Variants in UTRN observed in about 807,000 individuals in gnomAD.
UTRN encodes dystrophin-related protein 1.
Under a neutral mutation model 463.9 loss-of-function variants are expected in UTRN, and 283 were observed. The observed-to-expected ratio is 0.61, with a 90% CI of 0.55 to 0.67. UTRN has a LOEUF of 0.67. Ranked by LOEUF, UTRN falls within the 30% of genes least tolerant of loss-of-function variation. UTRN has a pLI of 0.00. For missense variants in UTRN, 3,922 were observed against 4,084.3 expected (o/e 0.96, Z 1.08); for synonymous variants, 1,442 against 1,431.5 (o/e 1.01, Z -0.17).
At position 144,482,346 on chromosome 6, in the gene UTRN, A is replaced by G; in HGVS notation, c.3645A>G (p.Gln1215=). The G allele has an allele frequency of 1.2e-6, 2 of 1,601,742 alleles. No homozygotes were observed. Among genetic ancestry groups the G allele is most frequent in the Non-Finnish European group, 1.7e-6 (2 of 1,176,946 alleles). ...TGAATGTTGTGCTGGAGAATTACCAACTTCTTTGTAATAGAATTCGAGGAA... is the reference window on the plus strand; with the variant it reads ...TGAATGTTGTGCTGGAGAATTACCAGCTTCTTTGTAATAGAATTCGAGGAA... ...SELNVVLENY[Q]LLCNRIRGKC... is the part of the protein sequence containing the mutation. The change falls in exon 27 of 75, where the codon CAA becomes CAG. Residue 1215 remains glutamine (Q), a synonymous_variant. Transcript: ENST00000367545.
At chr6:144,846,751 AC>A (rs1782048565) in intron 73 of UTRN, 53 bp from the exon 74 acceptor site, 1 of 1,613,432 alleles carries the variant, frequency 6.2e-7, no homozygotes, top group African/African-American at 1.3e-5. Flanking sequence ...GAGAGTTGGA[AC>A]CAACAAAGTA....
At chr6:144,713,793 G>C (rs1295680819) in intron 53 of UTRN, among the ~76,000 whole-genome samples, 2 of 142,654 alleles carry the variant, frequency 1.4e-5, no homozygotes, top group Non-Finnish European at 3.1e-5. Flanking sequence ...AGCGGCACAT[G>C]CCTGTAATCC....
intron 37 of UTRN, among the ~76,000 whole-genome samples, chr6:144,515,471 A>G (rs544964190): frequency 1.9e-4 from 29 of 151,754 alleles, no homozygotes; most frequent in African/African-American, 7.0e-4. Flanking sequence ...CACACACCAC[A>G]GAACTTGTTT....
intron 62 of UTRN, among the ~76,000 whole-genome samples, chr6:144,793,297 T>C (rs1020077517): frequency 6.6e-6 from 1 of 151,842 alleles, no homozygotes; most frequent in East Asian, 1.9e-4. Flanking sequence ...TTTTTTTGAG[T>C]TGGGGTCTTG....
At chr6:144,312,094 CTCCTCGTGTTGTAAAAAGTAAGTG>C (rs1320049399) in intron 2 of UTRN, 1 of 152,166 alleles carries the variant, frequency 6.6e-6, no homozygotes, top group Non-Finnish European at 1.5e-5. Context: ...TAGCATCAAC[CTCCTCGTGTTGTAAAAAGTAAGTG>C]AATTAACATA....
chr6:144,642,133 G>A (rs981319139), intron 51 of UTRN, among the ~76,000 whole-genome samples: 1 of 152,144 alleles, frequency 6.6e-6, no homozygotes, highest in Non-Finnish European at 1.5e-5. Context: ...CTGCAAAAGC[G>A]TGGTCTGAAC....
rs377184318 is a variant in UTRN, at chr6:144,474,777, A to C, written c.3336+18A>C. 1 of 1,609,750 alleles carries C rather than the reference A, an allele frequency of 6.2e-7. No individual in the cohort carries two copies. The highest frequency in any genetic ancestry group is 8.5e-7 in the Non-Finnish European group (1 of 1,178,402). On this transcript the variant is annotated intron_variant, in intron 25 of 74. Transcript: ENST00000367545. ...GCAAGGAGGTGAGTTTTTCAACTTT[A>C]CTACCTACGGTTTTCAGGAGATGTA...
chr6:144,305,814 G>A (rs1805682724), intron 2 of UTRN, among the ~76,000 whole-genome samples: 1 of 152,232 alleles, frequency 6.6e-6, no homozygotes, highest in Admixed American at 6.5e-5. Flanking sequence ...TTGGCCAAGG[G>A]CAGTTCCTGG....
chr6:144,409,649 A>G (rs1250344885), intron 3 of UTRN, among the ~76,000 whole-genome samples: 1 of 152,136 alleles, frequency 6.6e-6, no homozygotes, highest in South Asian at 2.1e-4. Context: ...TCTACCTATT[A>G]CACAGAGCAA....
intron 52 of UTRN, among the ~76,000 whole-genome samples, chr6:144,680,792 G>C (rs1187274889): frequency 6.6e-6 from 1 of 152,118 alleles, no homozygotes; most frequent in African/African-American, 2.4e-5. Context: ...ACTGGGGAAG[G>C]GTAACTAAGT....
intron 2 of UTRN, among the ~76,000 whole-genome samples, chr6:144,298,775 A>T (rs969977067): frequency 6.6e-6 from 1 of 152,212 alleles, no homozygotes; most frequent in African/African-American, 2.4e-5. Flanking sequence ...AGAGAAAAGC[A>T]TATAAGGGCA....
intron 64 of UTRN, among the ~76,000 whole-genome samples, chr6:144,798,210 T>G (rs1415987585): frequency 6.6e-6 from 1 of 152,218 alleles, no homozygotes; most frequent in Non-Finnish European, 1.5e-5. Context: ...TCATTTACAC[T>G]ACTTGGATCA....
rs528954750 is a variant in UTRN at position 144,433,033 on chromosome 6, A to G, written c.856-2902A>G. Among the ~76,000 whole-genome samples the G allele has an allele frequency of 4.9e-4, 74 of 152,336 alleles. 2 individuals are homozygous for G. The East Asian group carries it at 0.013, about 27-fold the overall frequency. ...TCACAGATCAACAGGATCCCAAGGC[A>G]GAAGAATTTTTCTTAGTACAGAACA... On this transcript the variant is annotated intron_variant, in intron 9 of 74. Coordinates refer to ENST00000367545, the MANE Select transcript of UTRN (RefSeq NM_007124.3).
Position 144,474,611 on chromosome 6 carries a change from T to C in UTRN, c.3188T>C (p.Val1063Ala), listed in dbSNP as rs1332106879. The C allele has an allele frequency of 6.2e-7, 1 of 1,612,388 alleles. No homozygotes were observed. The highest frequency in any genetic ancestry group is 8.5e-7 in the Non-Finnish European group (1 of 1,179,432). ...QRQLDQCSAF[V>A]NEIETIESSL... ...CATCTTTTATGTGTTTAGGCATTTG[T>C]TAATGAAATAGAAACAATTGAATCA... is the stretch of plus-strand genomic sequence containing the variant. The change falls in exon 25 of 75, where the codon GTT becomes GCT. Residue 1063 changes from valine to alanine, a missense_variant. Transcript: ENST00000367545.
chr6:144,295,877 G>A (rs543864602), intron 2 of UTRN, among the ~76,000 whole-genome samples: 1 of 152,254 alleles, frequency 6.6e-6, no homozygotes, highest in East Asian at 1.9e-4. Context: ...TTTCTCCAAA[G>A]GCCCAGTGTG....
At chr6:144,815,063 A>G (rs1291349183) in intron 65 of UTRN, among the ~76,000 whole-genome samples, 1 of 152,222 alleles carries the variant, frequency 6.6e-6, no homozygotes, top group Admixed American at 6.5e-5. Flanking sequence ...GCTGTTGAAG[A>G]CTGTTAGAGT....
chr6:144,544,613 T>C (rs1798241562), intron 46 of UTRN, among the ~76,000 whole-genome samples: 1 of 152,126 alleles, frequency 6.6e-6, no homozygotes, highest in Non-Finnish European at 1.5e-5. Flanking sequence ...AAATAAGCAC[T>C]CAGCGCTAAG....
intron 14 of UTRN, among the ~76,000 whole-genome samples, chr6:144,445,371 C>CAAAAAAAAAAAA (rs1440149097): frequency 3.9e-5 from 4 of 102,416 alleles, no homozygotes; most frequent in East Asian, 6.5e-4. Context: ...AAAAAAAAAG[C>CAAAAAAAAAAAA]AAATACTCTA....
rs771739758 is a variant in UTRN at position 144,321,419 on chromosome 6, A to G, written c.79+29512A>G. Among the ~76,000 whole-genome samples, 176 of 144,722 alleles carry G rather than the reference A, an allele frequency of 1.2e-3. 1 individual carries two copies. Among genetic ancestry groups the G allele is most frequent in the Non-Finnish European group, 2.2e-3 (143 of 65,962 alleles). 94.9% of individuals were successfully genotyped at this position (144,722 alleles called of 152,430 possible). Reference sequence around the variant, plus strand: ...AGTAGCTTGCCCAACACGGGTAATGAGGGACAGAGGTGGAGTTTAAACCCA... The same window carrying G: ...AGTAGCTTGCCCAACACGGGTAATGGGGGACAGAGGTGGAGTTTAAACCCA... On this transcript the variant is annotated intron_variant, in intron 2 of 74. Coordinates refer to ENST00000367545, the MANE Select transcript of UTRN (RefSeq NM_007124.3).
Sources: allele counts gnomAD v4.1 joint callset (sites outside exome capture counted in the v4.1 genomes callset), GRCh38; gene constraint gnomAD v4.1.1; transcripts MANE v1.5; gene names NCBI Gene and HGNC (gene_info 2026-07-23, HGNC 2026-07-21).